The following FMO3 variants were observed in gnomAD, a reference collection of about 807,000 sequenced individuals.
FMO3 encodes the protein flavin containing dimethylaniline monoxygenase 3, also known as flavin-containing monooxygenase 3.
Under a neutral mutation model 39.4 loss-of-function variants are expected in FMO3, and 40 were observed. The ratio of observed to expected loss-of-function variants is 1.02; its 90% CI spans 0.79 to 1.32. The LOEUF (loss-of-function observed/expected upper bound fraction) is 1.32, where lower values mean the gene tolerates loss of function less well. Among genes scored for constraint, FMO3 ranks in the 40% most tolerant of loss-of-function variants. The pLI, the probability that FMO3 is intolerant of heterozygous loss-of-function variation, is 0.00. For synonymous variants in FMO3, 219 were observed against 228.8 expected (o/e 0.96, Z 0.39); for missense variants, 680 against 651.8 (o/e 1.04, Z -0.47).
rs372289211 is a variant in FMO3, at chr1:171,116,269, A to G, written c.1245A>G (p.Lys415=). 3.8e-6 allele frequency: 6 copies of G among 1,585,746 alleles called. No homozygotes were observed. In the African/African-American group the frequency reaches 5.4e-5, roughly 14 times the overall value. The change falls in exon 8 of 9, where the codon AAA becomes AAG. Residue 415 remains lysine (K), a synonymous_variant. Transcript: ENST00000367755. The stretch of plus-strand genomic sequence containing the variant: ...ATGATATTAATGAGAAAATGGAGAA[A>G]AAGCGCAAATGGTAAGAGTACCTAT... ...MMNDINEKME[K]KRKWFGKSET...
At chr1:171,102,168 A>G (rs1655426239) in intron 2 of FMO3, among the ~76,000 whole-genome samples, 1 of 152,206 alleles carries the variant, frequency 6.6e-6, no homozygotes, top group African/African-American at 2.4e-5. Flanking sequence ...GTCAATAATG[A>G]AACTGCAGCC....
rs2066534 is a variant in FMO3, at chr1:171,108,231, C to T, written c.627+10C>T. 5 of 1,613,372 alleles carry T rather than the reference C, an allele frequency of 3.1e-6. No individual in the cohort carries two copies. In the South Asian group the frequency reaches 5.5e-5, roughly 18 times the overall value. ...CCGCACAGCAGAACAGGTACTACTC[C>T]CCGGGTACTCGGGTGACTCTCGTTA... On this transcript the variant is annotated intron_variant, in intron 5 of 8. Coordinates refer to ENST00000367755, the MANE Select transcript of FMO3 (RefSeq NM_001002294.3).
At chr1:171,115,019 C>A (rs1335424241) in intron 7 of FMO3, among the ~76,000 whole-genome samples, 1 of 152,138 alleles carries the variant, frequency 6.6e-6, no homozygotes, top group Non-Finnish European at 1.5e-5. Flanking sequence ...GCAAGAAAGG[C>A]AGGCAGCATC....
At chr1:171,109,580 G>T (rs1655810015) in intron 5 of FMO3, among the ~76,000 whole-genome samples, 1 of 120,052 alleles carries the variant, frequency 8.3e-6, no homozygotes, top group African/African-American at 3.3e-5. Context: ...TGTTGCCCAG[G>T]CTGGAGTGCA....
rs774115689 is a variant in FMO3, at chr1:171,117,304, G to A, written c.1461G>A (p.Leu487=). 8.7e-6 allele frequency: 14 copies of A among 1,613,982 alleles called. No individual in the cohort carries two copies. The South Asian group carries it at 1.4e-4, about 16-fold the overall frequency. The part of the protein sequence containing the change: ...GQWPGARNAI[L]TQWDRSLKPM... ...GGCCAGGAGCCAGAAATGCCATACTGACCCAGTGGGACCGGTCGTTGAAAC... is the reference window on the plus strand; with the variant it reads ...GGCCAGGAGCCAGAAATGCCATACTAACCCAGTGGGACCGGTCGTTGAAAC... The change falls in exon 9 of 9, where the codon CTG becomes CTA. Residue 487 remains leucine (L), a synonymous_variant. Transcript: ENST00000367755.
chr1:171,101,620 C>T (rs1028627055), intron 2 of FMO3: 4 of 463,674 alleles, frequency 8.6e-6, no homozygotes, highest in Non-Finnish European at 1.8e-5. Flanking sequence ...ATAGTTGAAA[C>T]TGTTGGAGCT....
chr1:171,093,017 A>C (rs925335592), intron 2 of FMO3, among the ~76,000 whole-genome samples: 3 of 152,160 alleles, frequency 2.0e-5, no homozygotes, highest in African/African-American at 7.2e-5. Flanking sequence ...TTCTCCCTTG[A>C]TAGATCATTA....
chr1:171,100,409 TG>T (rs1223447885), intron 2 of FMO3: 1 of 152,246 alleles, frequency 6.6e-6, no homozygotes, highest in Non-Finnish European at 1.5e-5. Flanking sequence ...ATTTCAAAAT[TG>T]CTTGGGATTA....
Position 171,117,319 on chromosome 1 carries a change from G to T in FMO3, c.1476G>T (p.Arg492=). Residue 492 remains arginine, a synonymous_variant, in exon 9 of 9, where the codon CGG becomes CGT. Coordinates refer to ENST00000367755, the MANE Select transcript of FMO3 (RefSeq NM_001002294.3). ...ATGCCATACTGACCCAGTGGGACCG[G>T]TCGTTGAAACCCATGCAGACACGAG... ...ARNAILTQWD[R]SLKPMQTRVV... is the part of the protein sequence containing the mutation. 5.0e-6 allele frequency: 8 copies of T among 1,614,040 alleles called. No individual in the cohort carries two copies. The highest frequency in any genetic ancestry group is 6.8e-6 in the Non-Finnish European group (8 of 1,179,904).
At position 171,107,782 on chromosome 1, in the gene FMO3, A is replaced by G. The variant is rs1379581605; in HGVS notation, c.429A>G (p.Val143=). The part of the protein sequence containing the change: ...GKKESAVFDA[V]MVCSGHHVYP... ...AAGAATCGGCTGTCTTTGATGCTGTAATGGTTTGTTCCGGACATCATGTGT... is the reference window on the plus strand; with the variant it reads ...AAGAATCGGCTGTCTTTGATGCTGTGATGGTTTGTTCCGGACATCATGTGT... The change falls in exon 4 of 9, where the codon GTA becomes GTG. Residue 143 remains valine (V), a synonymous_variant. Coordinates refer to ENST00000367755, the MANE Select transcript of FMO3 (RefSeq NM_001002294.3). 3 of 1,613,958 alleles carry G rather than the reference A, an allele frequency of 1.9e-6. No homozygotes were observed. Among genetic ancestry groups the G allele is most frequent in the Non-Finnish European group, 1.7e-6 (2 of 1,179,916 alleles).
intron 2 of FMO3, among the ~76,000 whole-genome samples, chr1:171,097,049 T>C (rs916143478): frequency 2.5e-4 from 38 of 150,916 alleles, no homozygotes; most frequent in Non-Finnish European, 5.0e-4. Context: ...TGTTTGGTTT[T>C]TTGTCCTTGT....
Position 171,103,970 on chromosome 1 carries a change from T to A in FMO3, c.318T>A (p.Phe106Leu). The A allele has an allele frequency of 6.2e-7, 1 of 1,606,192 alleles. No homozygotes were observed. The highest frequency in any genetic ancestry group is 8.5e-7 in the Non-Finnish European group (1 of 1,173,000). ...AGAACCTCCTGAAGTACATACAATT[T>A]AAGGTAAGATGTTATCAACAATTTA... ...KEKNLLKYIQFKTFVSSVNKH... is the reference protein window; with the variant it reads ...KEKNLLKYIQLKTFVSSVNKH... Residue 106 changes from phenylalanine (F) to leucine (L), a missense_variant, in exon 3 of 9, where the codon TTT (phenylalanine) becomes TTA (leucine). Physicochemically the swap from Phe to Leu is conservative, Grantham distance 22. Coordinates refer to ENST00000367755, the MANE Select transcript of FMO3 (RefSeq NM_001002294.3).
At chr1:171,114,973 T>G (rs914454777) in intron 7 of FMO3, among the ~76,000 whole-genome samples, 1 of 152,164 alleles carries the variant, frequency 6.6e-6, no homozygotes, top group African/African-American at 2.4e-5. Flanking sequence ...AGTTCTTATA[T>G]TTTACAAAGG....
At chr1:171,111,334 G>A (rs1208754686) in intron 6 of FMO3, among the ~76,000 whole-genome samples, 1 of 152,128 alleles carries the variant, frequency 6.6e-6, no homozygotes, top group Admixed American at 6.5e-5. Flanking sequence ...CAATTATGAA[G>A]AGAGCTCTAC....
At chr1:171,115,127 T>C (rs1343650562) in intron 7 of FMO3, among the ~76,000 whole-genome samples, 1 of 152,102 alleles carries the variant, frequency 6.6e-6, no homozygotes, top group African/African-American at 2.4e-5. Flanking sequence ...AGGATTCCAC[T>C]TAGGGTTCAG....
chr1:171,108,054 C>T, intron 4 of FMO3, 25 bp from the exon 5 acceptor site: 1 of 1,612,600 alleles, frequency 6.2e-7, no homozygotes, highest in Non-Finnish European at 8.5e-7. Flanking sequence ...CTCAAACTGC[C>T]ATGTATTTCT....
rs566566367 is a variant in FMO3, at chr1:171,099,321, T to C, written c.133-4464T>C. ...CTGAGGAGTGCTTTACTTCCAACTA[T>C]GTGGTCAATTTTGGATTAGGTGTGG... On this transcript the variant is annotated intron_variant, in intron 2 of 8. Coordinates refer to ENST00000367755, the MANE Select transcript of FMO3 (RefSeq NM_001002294.3). Among the ~76,000 whole-genome samples, 9 of 152,334 alleles carry C rather than the reference T, an allele frequency of 5.9e-5. No homozygotes were observed. In the East Asian group the frequency reaches 1.5e-3, roughly 26 times the overall value.
At chr1:171,104,092 G>T in intron 3 of FMO3, 119 bp downstream of exon 3, 1 of 795,860 alleles carries the variant, frequency 1.3e-6, no homozygotes. Context: ...TTTTAACAGT[G>T]TGGCCTCTCT....
rs1480568677 is a variant in FMO3 at position 171,114,161 on chromosome 1, G to C, written c.982G>C (p.Ala328Pro). 6.2e-7 allele frequency: 1 copy of C among 1,613,906 alleles called. No homozygotes were observed. The highest frequency in any genetic ancestry group is 8.5e-7 in the Non-Finnish European group (1 of 1,179,958). The change falls in exon 7 of 9, where the codon GCA becomes CCA. Residue 328 changes from alanine to proline, a missense_variant. Transcript: ENST00000367755. ...TGAGGGCATTGACTGTGTAATCTTT[G>C]CAACAGGGTATAGTTTTGCCTACCC... ...IFEGIDCVIF[A>P]TGYSFAYPFL...
Sources: allele counts gnomAD v4.1 joint callset (sites outside exome capture counted in the v4.1 genomes callset), GRCh38; gene constraint gnomAD v4.1.1; transcripts MANE v1.5; gene names NCBI Gene and HGNC (gene_info 2026-07-23, HGNC 2026-07-21).